The following COL18A1 variants were observed in gnomAD, a reference collection of about 807,000 sequenced individuals.
COL18A1 encodes collagen type XVIII alpha 1 chain, also known as collagen alpha-1(XVIII) chain.
In COL18A1, 133 loss-of-function variants were observed where a neutral mutation model predicts 168.0. That is an observed-to-expected ratio of 0.79 (90% CI 0.69 to 0.91). The LOEUF is 0.91. Among genes scored for constraint, COL18A1 ranks in the 40% least tolerant of loss-of-function variants. COL18A1 has a pLI of 0.00. For missense variants in COL18A1, 2,126 were observed against 1,925.4 expected (o/e 1.10, Z -1.95); for synonymous variants, 949 against 809.0 (o/e 1.17, Z -2.94).
chr21:45,456,452 G>T, intron 2 of COL18A1: 1 of 1,544,308 alleles, frequency 6.5e-7, no homozygotes, highest in Non-Finnish European at 8.8e-7. Flanking sequence ...GGTCTCCCAC[G>T]TGGCTAACTC....
chr21:45,494,142 G>A, intron 26 of COL18A1: 1 of 380,590 alleles, frequency 2.6e-6, no homozygotes, highest in Admixed American at 3.8e-5. Flanking sequence ...TTTGGGGTGG[G>A]CCTCAGACAC....
intron 18 of COL18A1, among the ~76,000 whole-genome samples, chr21:45,489,143 C>G: frequency 6.6e-6 from 1 of 152,352 alleles, no homozygotes; most frequent in African/African-American, 2.4e-5. Context: ...TGCAAGACAT[C>G]GGGACACTCA....
intron 39 of COL18A1, 88 bp from the exon 40 acceptor site, chr21:45,509,976 A>AC: frequency 6.9e-7 from 1 of 1,443,012 alleles, no homozygotes; most frequent in Non-Finnish European, 9.3e-7. Flanking sequence ...GCCTGTCCAC[A>AC]CAGGTGCGGG....
At chr21:45,485,597 A>G (rs959064489) in intron 15 of COL18A1, among the ~76,000 whole-genome samples, 1 of 152,234 alleles carries the variant, frequency 6.6e-6, no homozygotes, top group African/African-American at 2.4e-5. Flanking sequence ...TCATGAAGTT[A>G]GCCCTCAAGT....
intron 2 of COL18A1, among the ~76,000 whole-genome samples, chr21:45,444,188 G>A (rs1177416006): frequency 1.3e-5 from 2 of 152,138 alleles, no homozygotes; most frequent in Non-Finnish European, 2.9e-5. Context: ...CCTGCCTCCC[G>A]AAATCACCTC....
At chr21:45,489,026 T>C (rs1419185220) in intron 18 of COL18A1, among the ~76,000 whole-genome samples, 1 of 152,178 alleles carries the variant, frequency 6.6e-6, no homozygotes, top group African/African-American at 2.4e-5. Context: ...CAAAGCGTCC[T>C]CTGCTGCGTG....
chr21:45,429,343 T>C (rs568295661), intron 2 of COL18A1, among the ~76,000 whole-genome samples: 311 of 152,350 alleles, frequency 2.0e-3, no homozygotes, highest in African/African-American at 7.1e-3. Flanking sequence ...AGGTGCACAG[T>C]TGCCACGGGG....
At chr21:45,488,500 A>G in intron 18 of COL18A1, 56 bp downstream of exon 18, 2 of 1,612,768 alleles carry the variant, frequency 1.2e-6, no homozygotes, top group Admixed American at 1.7e-5. Flanking sequence ...CTGTCTCGAC[A>G]TCTTGGGGCT....
chr21:45,474,670 C>T (rs577652988), intron 4 of COL18A1, among the ~76,000 whole-genome samples: 24 of 14,462 alleles, frequency 1.7e-3, no homozygotes, highest in Admixed American at 0.015. Context: ...GGAATTCTCA[C>T]TCAGGGGCCC....
Position 45,505,687 on chromosome 21 carries a change from C to G in COL18A1, c.3088-151C>G, listed in dbSNP as rs938592578. 1.1e-5 allele frequency: 8 copies of G among 708,444 alleles called. No individual in the cohort carries two copies. In the Admixed American group the frequency reaches 1.7e-4, roughly 15 times the overall value. The allele number at this position is 708,444 out of a possible 1,614,324, so 43.9% of individuals were successfully genotyped here. ...AGGAGCTGGCGGCAGGCAGGGGTCCCCATGGTGCTCATGGGGGCAGCCGCC... is the reference window on the plus strand; with the variant it reads ...AGGAGCTGGCGGCAGGCAGGGGTCCGCATGGTGCTCATGGGGGCAGCCGCC... On this transcript the variant is annotated intron_variant, in intron 36 of 41. Coordinates refer to ENST00000651438, the MANE Select transcript of COL18A1 (RefSeq NM_001379500.1).
At chr21:45,470,936 G>A (rs918814926) in intron 3 of COL18A1, among the ~76,000 whole-genome samples, 5 of 150,296 alleles carry the variant, frequency 3.3e-5, no homozygotes, top group African/African-American at 1.2e-4. Context: ...CCTGCTGGGC[G>A]TGGGTGGCGT....
At position 45,423,872 on chromosome 21, in the gene COL18A1, G is replaced by C. The variant is rs1395025497; in HGVS notation, c.106+18399G>C. 1.3e-5 allele frequency: 2 copies of C among 152,242 alleles called. No homozygotes were observed. The highest frequency in any genetic ancestry group is 2.9e-5 in the Non-Finnish European group (2 of 68,078). 9.4% of individuals were successfully genotyped at this position (152,242 alleles called of 1,614,324 possible). A position where few individuals can be genotyped will look rare whatever the true frequency, so the allele number is the denominator to read the frequency against. On this transcript the variant is annotated intron_variant, in intron 2 of 41. Coordinates refer to ENST00000651438, the MANE Select transcript of COL18A1 (RefSeq NM_001379500.1). This position sits in a 1 kb window ranked among gnomAD's most constrained non-coding sequence, Gnocchi z 4.0. Reference sequence around the variant, plus strand: ...GAGCAGGGTTCTGCAGTGTCCTGGGGGCAGAGGCCTGACGCACTCAGCTGC... The same window carrying C: ...GAGCAGGGTTCTGCAGTGTCCTGGGCGCAGAGGCCTGACGCACTCAGCTGC...
intron 3 of COL18A1, among the ~76,000 whole-genome samples, chr21:45,470,696 A>G (rs534463110): frequency 6.6e-6 from 1 of 152,164 alleles, no homozygotes; most frequent in African/African-American, 2.4e-5. Context: ...CATATTGGTC[A>G]GGCTGGTCTC....
chr21:45,494,113 C>G (rs1346454744), intron 26 of COL18A1: 7 of 327,414 alleles, frequency 2.1e-5, no homozygotes, highest in Admixed American at 1.3e-4. Flanking sequence ...TCAGAGGGAG[C>G]AGTGAGCCCT....
At chr21:45,494,652 T>C in intron 27 of COL18A1, 81 bp downstream of exon 27, 1 of 1,590,164 alleles carries the variant, frequency 6.3e-7, no homozygotes, top group Non-Finnish European at 8.6e-7. Flanking sequence ...GCTGCTGAGC[T>C]TGTGCTGTGC....
chr21:45,508,124 CGGGT>C (rs2037337410), intron 38 of COL18A1, among the ~76,000 whole-genome samples: 1 of 100,826 alleles, frequency 9.9e-6, no homozygotes, highest in Non-Finnish European at 2.0e-5. Context: ...GGTGAGTGGA[CGGGT>C]GGGTGGGTGG....
At chr21:45,511,671 C>T (rs1352265779) in intron 41 of COL18A1, among the ~76,000 whole-genome samples, 1 of 152,130 alleles carries the variant, frequency 6.6e-6, no homozygotes, top group African/African-American at 2.4e-5. Context: ...TGTGCCCTCC[C>T]CACGTGAGCG....
At position 45,512,262 on chromosome 21, in the gene COL18A1, G is replaced by A. The variant is rs768317146; in HGVS notation, c.3884G>A (p.Arg1295Gln). The change falls in exon 42 of 42, where the codon CGG becomes CAG. Residue 1295 changes from arginine (R) to glutamine (Q), a missense_variant. Transcript: ENST00000651438. Reference protein sequence around the residue: ...RLTESYCETWRTEAPSATGQA... With the variant: ...RLTESYCETWQTEAPSATGQA... ...ACCGAGAGCTACTGTGAGACGTGGC[G>A]GACGGAGGCTCCCTCGGCCACGGGC... 5.9e-5 allele frequency: 95 copies of A among 1,611,862 alleles called. No homozygotes were observed. Among genetic ancestry groups the A allele is most frequent in the South Asian group, 1.3e-4 (12 of 90,978 alleles).
rs1450913709 is a variant in COL18A1 at position 45,490,314 on chromosome 21, C to T, written c.1999C>T (p.Leu667Phe). ...AGATGGAGTCCCCGGGTTCCCCGGC[C>T]TCCCTGGCAGAGAGGGCATTGCTGG... ...GADGVPGFPGLPGREGIAGPQ... is the reference protein window; with the variant it reads ...GADGVPGFPGFPGREGIAGPQ... Residue 667 changes from leucine (L) to phenylalanine (F), a missense_variant, in exon 20 of 42, where the codon CTC becomes TTC. Physicochemically the swap from Leu to Phe is conservative, Grantham distance 22. Transcript: ENST00000651438. The T allele has an allele frequency of 1.1e-5, 17 of 1,588,936 alleles. No homozygotes were observed. The highest frequency in any genetic ancestry group is 1.4e-5 in the Non-Finnish European group (16 of 1,168,504).
Sources: gnomAD v4.1 joint callset for allele counts (sites outside exome capture counted in the v4.1 genomes callset) on GRCh38, gnomAD v4.1.1 for gene constraint, Gnocchi (gnomAD v3.1) non-coding constraint, MANE v1.5 for transcripts, NCBI Gene and HGNC (gene_info 2026-07-23, HGNC 2026-07-21) for gene names.